NSUN6: variants seen among roughly 807,000 people sequenced by gnomAD.
NSUN6 encodes the protein tRNA (cytosine(72)-C(5))-methyltransferase NSUN6.
NSUN6 carries 64 observed loss-of-function variants against 58.0 expected under a neutral mutation model. That is an observed-to-expected ratio of 1.10 (90% CI 0.90 to 1.36). The LOEUF (loss-of-function observed/expected upper bound fraction) is 1.36. NSUN6 is among the 40% of genes most tolerant of loss of function. The probability of loss-of-function intolerance (pLI) is 0.00; values close to 1 mark genes in which losing one functional copy is unlikely to be tolerated. For missense variants in NSUN6, 701 were observed against 550.1 expected, an observed-to-expected ratio of 1.27 and a Z score of -2.74; for synonymous variants, 231 against 193.9, an observed-to-expected ratio of 1.19 and a Z score of -1.59.
At chr10:18,599,714 G>A (rs1406845211) in intron 6 of NSUN6, among the ~76,000 whole-genome samples, 2 of 152,160 alleles carry the variant, frequency 1.3e-5, no homozygotes, top group African/African-American at 4.8e-5. Context: ...GGCCAGGCAG[G>A]AGTATTTATT....
rs1320118454 is a variant in NSUN6 at position 18,585,857 on chromosome 10, G to A, written c.922+92C>T. ...TAGCTTGTTTTAATCATTCCACATT[G>A]TATACAAAATTATATACATGTCAAA... On this transcript the variant is annotated intron_variant, in intron 8 of 10. Transcript: ENST00000377304. The A allele has an allele frequency of 2.1e-5, 19 of 908,514 alleles. No homozygotes were observed. The East Asian group carries it at 3.6e-4, about 17-fold the overall frequency. 56.3% of individuals were successfully genotyped at this position (908,514 alleles called of 1,614,324 possible). A position where few individuals can be genotyped will look rare whatever the true frequency, so the allele number is the denominator to read the frequency against.
chr10:18,646,673 T>A (rs554187252), intron 2 of NSUN6, among the ~76,000 whole-genome samples: 1 of 152,148 alleles, frequency 6.6e-6, no homozygotes, highest in Non-Finnish European at 1.5e-5. Flanking sequence ...TGAAACCCCA[T>A]CTCTACTAAA....
At chr10:18,582,185 T>G (rs773318119) in intron 8 of NSUN6, among the ~76,000 whole-genome samples, 1 of 152,218 alleles carries the variant, frequency 6.6e-6, no homozygotes, top group Non-Finnish European at 1.5e-5. Flanking sequence ...TTCATGTTTT[T>G]TCTGTCTTCT....
At chr10:18,560,838 A>G (rs1157544087) in intron 8 of NSUN6, among the ~76,000 whole-genome samples, 2 of 150,740 alleles carry the variant, frequency 1.3e-5, no homozygotes, top group African/African-American at 4.9e-5. Context: ...AGAATGGAAG[A>G]GAATGGAATG....
At position 18,572,565 on chromosome 10, in the gene NSUN6, T is replaced by C. The variant is rs2056430788; in HGVS notation, c.922+13384A>G. 2.0e-5 allele frequency among the ~76,000 whole-genome samples: 3 copies of C among 151,104 alleles called. No homozygotes were observed. In the South Asian group the frequency reaches 6.3e-4, roughly 32 times the overall value. ...ATTTTCCATTCCATTCCATTCTCCATTCCTTTCCTTTTATTCTATTTCAAC... is the reference window on the plus strand; with the variant it reads ...ATTTTCCATTCCATTCCATTCTCCACTCCTTTCCTTTTATTCTATTTCAAC... On this transcript the variant is annotated intron_variant, in intron 8 of 10. Transcript: ENST00000377304.
At chr10:18,624,368 G>A (rs1176242968) in intron 3 of NSUN6, among the ~76,000 whole-genome samples, 3 of 151,998 alleles carry the variant, frequency 2.0e-5, no homozygotes, top group Non-Finnish European at 4.4e-5. Context: ...GAGCCAAAGT[G>A]ACCAAGACAG....
chr10:18,648,532 T>G lies in NSUN6; in HGVS notation c.189A>C (p.Ser63=). The G allele has an allele frequency of 4.4e-6, 7 of 1,608,250 alleles. No homozygotes were observed. Among genetic ancestry groups the G allele is most frequent in the Non-Finnish European group, 6.0e-6 (7 of 1,175,210 alleles). ...GTAACAGATTTTTCACATGTTGTAC[T>G]GAGGCTAAATGTGTATTCACTCTGA... is the stretch of plus-strand genomic sequence containing the variant. ...TTVRVNTHLA[S]VQHVKNLLLD... is the part of the protein sequence containing the mutation. Residue 63 remains serine (S), a synonymous_variant, in exon 2 of 11, where the codon TCA becomes TCC. Transcript: ENST00000377304.
chr10:18,589,093 A>G (rs927741968), intron 7 of NSUN6, among the ~76,000 whole-genome samples: 3 of 152,222 alleles, frequency 2.0e-5, no homozygotes, highest in African/African-American at 7.2e-5. Context: ...ATGGAGCTGA[A>G]AAACACAGCA....
intron 6 of NSUN6, among the ~76,000 whole-genome samples, chr10:18,603,611 C>T (rs955117294): frequency 3.3e-5 from 5 of 151,874 alleles, no homozygotes; most frequent in South Asian, 4.2e-4. Flanking sequence ...GCTGGGATTA[C>T]AGGCACCGCC....
intron 4 of NSUN6, among the ~76,000 whole-genome samples, chr10:18,615,268 T>G (rs1316950719): frequency 6.6e-6 from 1 of 152,306 alleles, no homozygotes; most frequent in Non-Finnish European, 1.5e-5. Flanking sequence ...CAACTCTCAG[T>G]GTTATTTATA....
chr10:18,597,454 A>G (rs1002036728), intron 6 of NSUN6, among the ~76,000 whole-genome samples: 2 of 152,172 alleles, frequency 1.3e-5, no homozygotes, highest in Non-Finnish European at 2.9e-5. Context: ...ACTGAACAAT[A>G]CATCCATTAG....
At chr10:18,648,672 C>T (rs1741176641) in intron 1 of NSUN6, 27 bp from the exon 2 acceptor site, 2 of 1,410,678 alleles carry the variant, frequency 1.4e-6, no homozygotes, top group African/African-American at 1.4e-5. Flanking sequence ...GTTTAAATTT[C>T]CTGAGAATTA....
chr10:18,611,123 GA>G (rs2058218021), intron 5 of NSUN6, among the ~76,000 whole-genome samples: 1 of 152,004 alleles, frequency 6.6e-6, no homozygotes, highest in South Asian at 2.1e-4. Flanking sequence ...TTGAACCCAG[GA>G]GTTGGAGGAT....
chr10:18,633,370 A>G (rs945936294), intron 3 of NSUN6, among the ~76,000 whole-genome samples: 2 of 151,836 alleles, frequency 1.3e-5, no homozygotes, highest in Non-Finnish European at 2.9e-5. Context: ...ATATGTAACT[A>G]ACCTGCACAG....
intron 3 of NSUN6, among the ~76,000 whole-genome samples, chr10:18,636,371 A>C (rs1175218431): frequency 2.6e-5 from 4 of 151,932 alleles, no homozygotes; most frequent in African/African-American, 9.7e-5. Flanking sequence ...AAAAAAAAAA[A>C]AAAAACTGGC....
intron 9 of NSUN6, among the ~76,000 whole-genome samples, chr10:18,550,719 A>C (rs2054544626): frequency 8.0e-6 from 1 of 125,690 alleles, no homozygotes. Flanking sequence ...GACGACCCCC[A>C]AAAAATCTCT....
At chr10:18,567,810 T>C (rs1420851421) in intron 8 of NSUN6, among the ~76,000 whole-genome samples, 1 of 151,004 alleles carries the variant, frequency 6.6e-6, no homozygotes, top group African/African-American at 2.4e-5. Context: ...CATTCCATTC[T>C]CCATTCCATT....
Position 18,551,809 on chromosome 10 carries a change from A to T in NSUN6, c.1071+14T>A, listed in dbSNP as rs747867863. 7 of 1,598,836 alleles carry T rather than the reference A, an allele frequency of 4.4e-6. No individual in the cohort carries two copies. Among genetic ancestry groups the T allele is most frequent in the Non-Finnish European group, 5.1e-6 (6 of 1,172,314 alleles). On this transcript the variant is annotated intron_variant, in intron 9 of 10. Transcript: ENST00000377304. Reference sequence around the variant, plus strand: ...AAAGTTAACTTTGTTTCACAAAAACAGACCACCACATACTGCAGTGAAGAG... The same window carrying T: ...AAAGTTAACTTTGTTTCACAAAAACTGACCACCACATACTGCAGTGAAGAG...
chr10:18,629,474 G>A (rs2058949952), intron 3 of NSUN6, among the ~76,000 whole-genome samples: 1 of 149,814 alleles, frequency 6.7e-6, no homozygotes. Flanking sequence ...TGGATAAAGA[G>A]TCAAGACCCA....
Sources: gnomAD v4.1 joint callset for allele counts (sites outside exome capture counted in the v4.1 genomes callset) on GRCh38, gnomAD v4.1.1 for gene constraint, MANE v1.5 for transcripts, NCBI Gene and HGNC (gene_info 2026-07-23, HGNC 2026-07-21) for gene names.